Variants in PTPRD observed in about 807,000 individuals in gnomAD.
PTPRD encodes receptor-type tyrosine-protein phosphatase delta.
A neutral mutation model predicts 214.5 loss-of-function variants in PTPRD; 34 were observed. That is an observed-to-expected ratio of 0.16 (90% CI 0.12 to 0.21). The LOEUF (loss-of-function observed/expected upper bound fraction) is 0.21, where lower values mean the gene tolerates loss of function less well. Among genes scored for constraint, PTPRD ranks in the 10% least tolerant of loss-of-function variants. The pLI, the probability that PTPRD is intolerant of heterozygous loss-of-function variation, is 1.00. For missense variants in PTPRD, 2,545 were observed against 2,398.7 expected, an observed-to-expected ratio of 1.06 and a Z score of -1.27; for synonymous variants, 1,128 against 845.7, an observed-to-expected ratio of 1.33 and a Z score of -5.79.
At chr9:8,492,488 T>G (rs989384783) in intron 27 of PTPRD, among the ~76,000 whole-genome samples, 6 of 152,108 alleles carry the variant, frequency 3.9e-5, no homozygotes, top group African/African-American at 1.4e-4. Flanking sequence ...TATATACTCG[T>G]TTTGTCACTT....
At chr9:10,316,229 C>T (rs1483647750) in intron 3 of PTPRD, among the ~76,000 whole-genome samples, 1 of 149,848 alleles carries the variant, frequency 6.7e-6, no homozygotes, top group Admixed American at 6.7e-5. Context: ...GACGACTGTG[C>T]ACTATTATAC....
chr9:9,999,405 C>T lies in PTPRD; in HGVS notation c.-472+34313G>A, dbSNP rs546256486. Among the ~76,000 whole-genome samples the T allele has an allele frequency of 2.6e-5, 4 of 152,296 alleles. No individual in the cohort carries two copies. In the South Asian group the frequency reaches 8.3e-4, roughly 32 times the overall value. On this transcript the variant is annotated intron_variant, in intron 4 of 45. Coordinates refer to ENST00000381196, the MANE Select transcript of PTPRD (RefSeq NM_002839.4). ...CTTACTCAGTCCCACTGCTACCTCA[C>T]CAGACTTTTTATTATTTCTGCCCTT...
chr9:9,337,850 C>G (rs1279653256), intron 9 of PTPRD, among the ~76,000 whole-genome samples: 1 of 152,192 alleles, frequency 6.6e-6, no homozygotes, highest in Non-Finnish European at 1.5e-5. Context: ...TTACCTCACA[C>G]TTTGTGCTTC....
At chr9:9,636,532 T>C (rs1465670394) in intron 7 of PTPRD, among the ~76,000 whole-genome samples, 1 of 152,192 alleles carries the variant, frequency 6.6e-6, no homozygotes, top group Non-Finnish European at 1.5e-5. Context: ...CAATGAGATA[T>C]AAGAAGAAAT....
chr9:8,493,010 CA>C, intron 26 of PTPRD, 31 bp from the exon 27 acceptor site: 1 of 1,551,062 alleles, frequency 6.4e-7, no homozygotes, highest in African/African-American at 1.4e-5. Context: ...GTCACTGATT[CA>C]AAACATGCTA....
At position 8,497,287 on chromosome 9, in the gene PTPRD, G is replaced by T. The variant is rs375498800; in HGVS notation, c.2323-19C>A. The T allele has an allele frequency of 1.9e-6, 3 of 1,585,528 alleles. No individual in the cohort carries two copies. Among genetic ancestry groups the T allele is most frequent in the Non-Finnish European group, 1.7e-6 (2 of 1,168,048 alleles). ...ATTCCCACTGATTGAGAATAAGAAG[G>T]TTGGGAGGAAAACAAAATAAAAAGA... On this transcript the variant is annotated intron_variant, in intron 25 of 45. Coordinates refer to ENST00000381196, the MANE Select transcript of PTPRD (RefSeq NM_002839.4).
intron 5 of PTPRD, among the ~76,000 whole-genome samples, chr9:9,874,666 C>T (rs1027583413): frequency 6.6e-6 from 1 of 152,142 alleles, no homozygotes; most frequent in Non-Finnish European, 1.5e-5. Flanking sequence ...TTCTATCAAG[C>T]AATATGTTCA....
intron 33 of PTPRD, among the ~76,000 whole-genome samples, chr9:8,453,279 T>G (rs1368005043): frequency 2.0e-5 from 3 of 152,158 alleles, no homozygotes; most frequent in Non-Finnish European, 4.4e-5. Context: ...TTCTCCTGCC[T>G]CAGCCTCCCG....
intron 9 of PTPRD, among the ~76,000 whole-genome samples, chr9:9,206,671 C>A (rs1033215781): frequency 2.0e-5 from 3 of 152,174 alleles, no homozygotes; most frequent in African/African-American, 4.8e-5. Flanking sequence ...TTCCTGCCTT[C>A]ATCTGTCTTT....
chr9:10,030,679 G>T (rs2097046082), intron 4 of PTPRD, among the ~76,000 whole-genome samples: 1 of 152,172 alleles, frequency 6.6e-6, no homozygotes, highest in Non-Finnish European at 1.5e-5. Context: ...ATTCCACGTG[G>T]AGAATCTATC....
intron 8 of PTPRD, among the ~76,000 whole-genome samples, chr9:9,426,107 G>T (rs920788018): frequency 6.6e-6 from 1 of 152,112 alleles, no homozygotes; most frequent in South Asian, 2.1e-4. Context: ...AGCAGGGTGA[G>T]GCATCGCCTC....
intron 3 of PTPRD, among the ~76,000 whole-genome samples, chr9:10,131,098 G>C (rs2098873649): frequency 6.6e-6 from 1 of 152,190 alleles, no homozygotes; most frequent in African/African-American, 2.4e-5. Context: ...GGGCTGCAGA[G>C]GAGGTCACAG....
At chr9:10,329,684 G>A (rs559089253) in intron 3 of PTPRD, among the ~76,000 whole-genome samples, 127 of 151,912 alleles carry the variant, frequency 8.4e-4, no homozygotes, top group African/African-American at 2.8e-3. Flanking sequence ...AAAATAGAAC[G>A]TGTGAAATAA....
intron 4 of PTPRD, among the ~76,000 whole-genome samples, chr9:10,015,363 T>A (rs2096683353): frequency 6.6e-6 from 1 of 152,102 alleles, no homozygotes; most frequent in Admixed American, 6.6e-5. Context: ...ATCATGGCAG[T>A]AAGACAAGAT....
At chr9:9,241,943 T>A (rs10977609) in intron 9 of PTPRD, among the ~76,000 whole-genome samples, 3 of 151,980 alleles carry the variant, frequency 2.0e-5, no homozygotes, top group Non-Finnish European at 4.4e-5. Context: ...CCAGCATCGA[T>A]GGTCTTTACA....
In PTPRD at chr9:8,340,325, CA is replaced by C. The variant is rs751750828; in HGVS notation, c.5253+17del. The C allele has an allele frequency of 6.3e-7, 1 of 1,583,212 alleles. No homozygotes were observed. The highest frequency in any genetic ancestry group is 2.2e-5 in the East Asian group (1 of 44,528). ...AGTAAATGTCTTATGAGGAGACACA[CA>C]AGGGCCACACACTTACTCTGCCCAT... On this transcript the variant is annotated intron_variant, in intron 42 of 45. Transcript: ENST00000381196.
intron 2 of PTPRD, among the ~76,000 whole-genome samples, chr9:10,436,219 C>T (rs755081460): frequency 1.3e-5 from 2 of 151,706 alleles, no homozygotes; most frequent in African/African-American, 4.8e-5. Context: ...CAAGATAATT[C>T]TTCTCTCTAT....
intron 4 of PTPRD, among the ~76,000 whole-genome samples, chr9:9,940,913 C>G (rs536806812): frequency 6.6e-6 from 1 of 152,098 alleles, no homozygotes; most frequent in East Asian, 1.9e-4. Flanking sequence ...AAAAGGTGAC[C>G]ATTCCCTTCT....
intron 11 of PTPRD, among the ~76,000 whole-genome samples, chr9:8,846,854 C>T (rs777708932): frequency 6.6e-6 from 1 of 152,122 alleles, no homozygotes; most frequent in Non-Finnish European, 1.5e-5. Flanking sequence ...TTTTTACAGA[C>T]AGAAACAGGG....
Sources: allele counts gnomAD v4.1 joint callset (sites outside exome capture counted in the v4.1 genomes callset), GRCh38; gene constraint gnomAD v4.1.1; transcripts MANE v1.5; gene names NCBI Gene and HGNC (gene_info 2026-07-23, HGNC 2026-07-21).